KCTD19: variants seen among roughly 807,000 people sequenced by gnomAD.
KCTD19 encodes BTB/POZ domain-containing protein KCTD19.
Under a neutral mutation model 103.5 loss-of-function variants are expected in KCTD19, and 67 were observed. The ratio of observed to expected loss-of-function variants is 0.65; its 90% CI spans 0.53 to 0.79. KCTD19 has a LOEUF of 0.79. KCTD19 is among the 30% of genes least tolerant of loss of function. The pLI is 0.00. For synonymous variants in KCTD19, 439 were observed against 452.2 expected, an observed-to-expected ratio of 0.97 and a Z score of 0.37; for missense variants, 980 against 1,136.1, an observed-to-expected ratio of 0.86 and a Z score of 1.98.
chr16:67,325,268 G>C (rs1440402253), intron 1 of KCTD19, among the ~76,000 whole-genome samples: 1 of 141,738 alleles, frequency 7.1e-6, no homozygotes, highest in Non-Finnish European at 1.5e-5. Context: ...GCAGTGGCAC[G>C]ATTTTGGCTC....
Position 67,297,637 on chromosome 16 carries a change from G to A in KCTD19, c.1013C>T (p.Pro338Leu). 1 of 1,613,902 alleles carries A rather than the reference G, an allele frequency of 6.2e-7. No individual in the cohort carries two copies. The change falls in exon 7 of 16, where the codon CCC becomes CTC. Residue 338 changes from proline to leucine, a missense_variant. Transcript: ENST00000304372. ...VKNWLGTCRL[P>L]LTETISEVYE... The stretch of plus-strand genomic sequence containing the variant: ...TACCTCGGAAATGGTCTCTGTCAGG[G>A]GCAGCCGGCAAGTCCCCAGCCAGTT...
In KCTD19 at chr16:67,294,003, T is replaced by A; in HGVS notation, c.1759A>T (p.Thr587Ser). The change falls in exon 12 of 16, where the codon ACA becomes TCA. Residue 587 changes from threonine (T) to serine (S), a missense_variant. Transcript: ENST00000304372. ...CACAAGCCACGGCAGTGTGAGTATG[T>A]GCTAGGGTTGCCAGCCCTCTTGGCA... ...RNAKRAGNPS[T>S]YSHCRGLCTN... 6.2e-7 allele frequency: 1 copy of A among 1,614,172 alleles called. No homozygotes were observed.
intron 6 of KCTD19, among the ~76,000 whole-genome samples, 180 bp downstream of exon 6, chr16:67,299,183 C>T (rs1008942127): frequency 1.3e-5 from 2 of 152,246 alleles, no homozygotes; most frequent in Admixed American, 6.5e-5. Context: ...CTAGCCCTCT[C>T]CTTTGAGGCC....
At position 67,323,875 on chromosome 16, in the gene KCTD19, T is replaced by C. The variant is rs558877109; in HGVS notation, c.3+2830A>G. ...TGTGAATTGTATGGTATGTGAATTA[T>C]ATCTCAATAGATCTACAAAAAAAAA... On this transcript the variant is annotated intron_variant, in intron 1 of 15. Transcript: ENST00000304372. The surrounding 1 kb of genome is among the most constrained non-coding windows in gnomAD (Gnocchi z 4.1). 1.3e-5 allele frequency among the ~76,000 whole-genome samples: 2 copies of C among 151,506 alleles called. No homozygotes were observed. Among genetic ancestry groups the C allele is most frequent in the East Asian group, 3.9e-4 (2 of 5,164 alleles).
At chr16:67,326,558 C>A in intron 1 of KCTD19, 147 bp downstream of exon 1, 1 of 1,054,924 alleles carries the variant, frequency 9.5e-7, no homozygotes, top group South Asian at 1.4e-5. Context: ...AGAGCCAGCC[C>A]CCCAAATCCT....
chr16:67,295,550 C>A (rs926197432), intron 8 of KCTD19, 145 bp from the exon 9 acceptor site: 8 of 767,150 alleles, frequency 1.0e-5, no homozygotes, highest in Non-Finnish European at 1.6e-5. Flanking sequence ...TCACAAGGAA[C>A]CATGGTGGGG....
chr16:67,310,986 A>G (rs2036943236), intron 2 of KCTD19, among the ~76,000 whole-genome samples: 1 of 152,130 alleles, frequency 6.6e-6, no homozygotes, highest in Non-Finnish European at 1.5e-5. Flanking sequence ...TTTAAAACCT[A>G]CCCCTTCACT....
chr16:67,295,430 C>T, intron 8 of KCTD19, 25 bp from the exon 9 acceptor site: 1 of 1,601,290 alleles, frequency 6.2e-7, no homozygotes, highest in East Asian at 2.2e-5. Context: ...ACACCGGACT[C>T]AGTCTCAGAG....
rs1252907505 is a variant in KCTD19, at chr16:67,320,195, G to A, written c.300+394C>T. On this transcript the variant is annotated intron_variant, in intron 2 of 15. Coordinates refer to ENST00000304372, the MANE Select transcript of KCTD19 (RefSeq NM_001100915.3). This position sits in a 1 kb window ranked among gnomAD's most constrained non-coding sequence, Gnocchi z 4.0. ...GGAGGCCAATTAGAGAGGACGACTT[G>A]AGCCCAGGAGTTCAAGACCAATCTG... Among the ~76,000 whole-genome samples the A allele has an allele frequency of 6.6e-6, 1 of 152,168 alleles. No homozygotes were observed. Among genetic ancestry groups the A allele is most frequent in the Non-Finnish European group, 1.5e-5 (1 of 68,034 alleles).
chr16:67,317,209 G>A (rs999344114), intron 2 of KCTD19, among the ~76,000 whole-genome samples: 2 of 152,036 alleles, frequency 1.3e-5, no homozygotes, highest in Admixed American at 6.6e-5. Flanking sequence ...GACCCAGCAC[G>A]GTGGCTCACA....
chr16:67,292,225 A>G (rs1411912998), intron 12 of KCTD19, among the ~76,000 whole-genome samples: 1 of 152,152 alleles, frequency 6.6e-6, no homozygotes, highest in Non-Finnish European at 1.5e-5. Flanking sequence ...TCCTTAAGCC[A>G]CCTCAGAGCC....
chr16:67,293,680 C>T lies in KCTD19; in HGVS notation c.2082G>A (p.Glu694=), dbSNP rs749555072. 17 of 1,614,070 alleles carry T rather than the reference C, an allele frequency of 1.1e-5. No homozygotes were observed. In the South Asian group the frequency reaches 1.6e-4, roughly 16 times the overall value. Reference sequence around the variant, plus strand: ...CCCCTGCCTGTGGTCCTGGATCCTTCTCTGAGGCTGTGGAATGGGCTTTCC... The same window carrying T: ...CCCCTGCCTGTGGTCCTGGATCCTTTTCTGAGGCTGTGGAATGGGCTTTCC... ...AAWKAHSTAS[E]KDPGPQAGAG... The change falls in exon 12 of 16, where the codon GAG becomes GAA. Residue 694 remains glutamate (E), a synonymous_variant. Transcript: ENST00000304372. This position sits in a 1 kb window ranked among gnomAD's most constrained non-coding sequence, Gnocchi z 4.0.
At chr16:67,324,392 C>A (rs2037107852) in intron 1 of KCTD19, among the ~76,000 whole-genome samples, 1 of 152,058 alleles carries the variant, frequency 6.6e-6, no homozygotes, top group South Asian at 2.1e-4. Flanking sequence ...ATTATGCAGG[C>A]TGAAGTGATT....
At chr16:67,290,335 G>A (rs2036669180) in intron 15 of KCTD19, among the ~76,000 whole-genome samples, 1 of 151,852 alleles carries the variant, frequency 6.6e-6, no homozygotes, top group Admixed American at 6.6e-5. Flanking sequence ...CCACCACCAC[G>A]CCTGGCTAAT....
intron 1 of KCTD19, among the ~76,000 whole-genome samples, 167 bp from the exon 2 acceptor site, chr16:67,321,052 A>G (rs1021630418): frequency 1.2e-4 from 19 of 152,204 alleles, no homozygotes; most frequent in Non-Finnish European, 2.6e-4. Context: ...CAGGCCAGGC[A>G]TGGTGGTTCA....
Position 67,295,410 on chromosome 16 carries a change from A to G in KCTD19, c.1249-5T>C. 6.2e-7 allele frequency: 1 copy of G among 1,609,764 alleles called. No homozygotes were observed. The highest frequency in any genetic ancestry group is 8.5e-7 in the Non-Finnish European group (1 of 1,176,944). Reference sequence around the variant, plus strand: ...GTTGGACAGCAGTTCTGGATACTGGAGGGGGTTGGACACCGGACTCAGTCT... The same window carrying G: ...GTTGGACAGCAGTTCTGGATACTGGGGGGGGTTGGACACCGGACTCAGTCT... On this transcript the variant is annotated splice_region_variant and splice_polypyrimidine_tract_variant and intron_variant, in intron 8 of 15. Transcript: ENST00000304372.
At position 67,293,477 on chromosome 16, in the gene KCTD19, A is replaced by G. The variant is rs564340076; in HGVS notation, c.2218+67T>C. 4.5e-6 allele frequency: 7 copies of G among 1,547,468 alleles called. No homozygotes were observed. The East Asian group carries it at 1.1e-4, about 25-fold the overall frequency. The stretch of plus-strand genomic sequence containing the variant: ...TCCTTTGTCACTAACTTGCTCTGCC[A>G]TCTTGGCCAAAGAGTTTGCCTTCTC... On this transcript the variant is annotated intron_variant, in intron 12 of 15. Coordinates refer to ENST00000304372, the MANE Select transcript of KCTD19 (RefSeq NM_001100915.3). The surrounding 1 kb of genome is among the most constrained non-coding windows in gnomAD (Gnocchi z 4.0).
chr16:67,315,443 T>A (rs1322991202), intron 2 of KCTD19, among the ~76,000 whole-genome samples: 2 of 151,862 alleles, frequency 1.3e-5, no homozygotes, highest in Non-Finnish European at 2.9e-5. Flanking sequence ...GCAGCTAGGA[T>A]TACAGGCATG....
At chr16:67,291,913 GC>G in intron 12 of KCTD19, 76 bp from the exon 13 acceptor site, 1 of 1,047,076 alleles carries the variant, frequency 9.6e-7, no homozygotes, top group Non-Finnish European at 1.3e-6. Context: ...TGCTTTTGTT[GC>G]CCAGGCTGGA....
Sources: allele counts gnomAD v4.1 joint callset (sites outside exome capture counted in the v4.1 genomes callset), GRCh38; gene constraint gnomAD v4.1.1; non-coding constraint Gnocchi (gnomAD v3.1); transcripts MANE v1.5; gene names NCBI Gene and HGNC (gene_info 2026-07-23, HGNC 2026-07-21).